The following PIAS2 variants were observed in gnomAD, a reference collection of about 807,000 sequenced individuals.
The protein encoded by PIAS2 is E3 SUMO-protein ligase PIAS2.
PIAS2 carries 19 observed loss-of-function variants against 69.7 expected under a neutral mutation model. That is an observed-to-expected ratio of 0.27 (90% CI 0.19 to 0.40). PIAS2 has a LOEUF of 0.40. Ranked by LOEUF, PIAS2 falls within the 10% of genes least tolerant of loss-of-function variation. PIAS2 has a pLI of 1.00. For synonymous variants in PIAS2, 261 were observed against 263.2 expected, an observed-to-expected ratio of 0.99 and a Z score of 0.08; for missense variants, 624 against 757.0, an observed-to-expected ratio of 0.82 and a Z score of 2.06.
At chr18:46,817,703 G>A (rs906113963) in intron 12 of PIAS2, 4 of 945,414 alleles carry the variant, frequency 4.2e-6, no homozygotes, top group African/African-American at 1.8e-5. Flanking sequence ...CAAGGGTGCT[G>A]TCTATATAAA....
In PIAS2 at chr18:46,810,085, AT is replaced by A. The variant is rs1417031696; in HGVS notation, c.*2347del. The stretch of plus-strand genomic sequence containing the variant: ...TTCAAGATGATAAACTTCAAAGTGT[AT>A]TTTTTAAAATGCAAGTTGCCTGTAT... On this transcript the variant is annotated 3_prime_UTR_variant, in exon 14 of 14. Transcript: ENST00000585916. The A allele has an allele frequency of 3.9e-5, 6 of 152,132 alleles. No individual in the cohort carries two copies. Among genetic ancestry groups the A allele is most frequent in the Non-Finnish European group, 8.8e-5 (6 of 68,022 alleles). The allele number at this position is 152,132 out of a possible 1,614,324, so 9.4% of individuals were successfully genotyped here. A position where few individuals can be genotyped will look rare whatever the true frequency, so the allele number is the denominator to read the frequency against.
At chr18:46,841,916 G>T (rs2045450253) in intron 8 of PIAS2, among the ~76,000 whole-genome samples, 1 of 152,164 alleles carries the variant, frequency 6.6e-6, no homozygotes, top group Non-Finnish European at 1.5e-5. Context: ...TAACCTCTCT[G>T]ATACACTACT....
chr18:46,916,761 CAA>C (rs2057969613), intron 1 of PIAS2: 1 of 949,164 alleles, frequency 1.1e-6, no homozygotes, highest in Non-Finnish European at 1.3e-6. Context: ...CAGGGATCCC[CAA>C]ACATTAGGTT....
At chr18:46,817,491 T>C (rs2144750021) in intron 12 of PIAS2, 1 of 943,484 alleles carries the variant, frequency 1.1e-6, no homozygotes, top group Non-Finnish European at 1.3e-6. Context: ...GTTCTTCAGA[T>C]GTACTGTAAT....
intron 2 of PIAS2, 113 bp from the exon 3 acceptor site, chr18:46,864,361 T>C: frequency 1.5e-6 from 1 of 647,730 alleles, no homozygotes; most frequent in Non-Finnish European, 2.7e-6. Flanking sequence ...TGAAACGTTA[T>C]GGTTAAAATA....
intron 1 of PIAS2, among the ~76,000 whole-genome samples, chr18:46,908,630 T>G (rs1462472481): frequency 6.6e-6 from 1 of 152,166 alleles, no homozygotes; most frequent in Non-Finnish European, 1.5e-5. Context: ...GTTGAAAAAT[T>G]TCTTCAACAA....
upstream of PIAS2, chr18:46,917,542 A>C (rs953492533): frequency 2.1e-5 from 24 of 1,136,996 alleles, no homozygotes; most frequent in African/African-American, 3.6e-4. Context: ...GACGCGCCGA[A>C]GCCCCGCCCC....
chr18:46,887,259 GAAAA>G (rs5824641), intron 2 of PIAS2, among the ~76,000 whole-genome samples: 1 of 124,176 alleles, frequency 8.1e-6, no homozygotes. Context: ...GCAAAAAATT[GAAAA>G]AAAAAAAAAA....
chr18:46,834,221 T>C (rs2044101662), intron 9 of PIAS2, among the ~76,000 whole-genome samples: 1 of 152,098 alleles, frequency 6.6e-6, no homozygotes, highest in Non-Finnish European at 1.5e-5. Context: ...ATAAAATCTC[T>C]ACAACTTTCT....
At position 46,807,768 on chromosome 18, in the gene PIAS2, C is replaced by T. The variant is rs1464545941; in HGVS notation, c.*4665G>A. On this transcript the variant is annotated 3_prime_UTR_variant, in exon 14 of 14. Coordinates refer to ENST00000585916, the MANE Select transcript of PIAS2 (RefSeq NM_004671.5). ...CAATGATCTCCATATCAGTTAACCC[C>T]GTTCCATAGAGTCAGAAAGGCAGAG... 6.6e-6 allele frequency: 1 copy of T among 152,292 alleles called. No individual in the cohort carries two copies. Among genetic ancestry groups the T allele is most frequent in the Admixed American group, 6.5e-5 (1 of 15,304 alleles). 9.4% of individuals were successfully genotyped at this position (152,292 alleles called of 1,614,324 possible).
chr18:46,840,130 C>T (rs1453674776), intron 8 of PIAS2, among the ~76,000 whole-genome samples: 1 of 151,852 alleles, frequency 6.6e-6, no homozygotes, highest in Non-Finnish European at 1.5e-5. Context: ...CACTGCACTT[C>T]AGCCTGGATG....
At chr18:46,875,371 C>G (rs2145777617) in intron 2 of PIAS2, among the ~76,000 whole-genome samples, 1 of 152,252 alleles carries the variant, frequency 6.6e-6, no homozygotes, top group East Asian at 1.9e-4. Flanking sequence ...CTTACGTGGT[C>G]CCACCCCATC....
intron 12 of PIAS2, chr18:46,816,796 T>A (rs2041603155): frequency 1.0e-6 from 1 of 985,056 alleles, no homozygotes; most frequent in Non-Finnish European, 1.2e-6. Context: ...CATATGTCTG[T>A]CACTAGCTAT....
At chr18:46,889,345 A>C (rs1484815416) in intron 2 of PIAS2, among the ~76,000 whole-genome samples, 1 of 152,232 alleles carries the variant, frequency 6.6e-6, no homozygotes, top group Non-Finnish European at 1.5e-5. Context: ...ATATCTGATA[A>C]GGGATTATAT....
intron 2 of PIAS2, among the ~76,000 whole-genome samples, chr18:46,883,434 G>A (rs1239374429): frequency 2.6e-5 from 4 of 152,118 alleles, no homozygotes; most frequent in Non-Finnish European, 5.9e-5. Context: ...CAAGCGCAGT[G>A]GCTCATGCCT....
chr18:46,855,633 A>C lies in PIAS2; in HGVS notation c.585-18T>G. The stretch of plus-strand genomic sequence containing the variant: ...AAAAATCCCTGTTGGAAAGAGAAAG[A>C]AAATGGGTTAAAAAAGTACAATGAG... On this transcript the variant is annotated intron_variant, in intron 3 of 13. Transcript: ENST00000585916. 2 of 1,592,848 alleles carry C rather than the reference A, an allele frequency of 1.3e-6. No individual in the cohort carries two copies. Among genetic ancestry groups the C allele is most frequent in the Non-Finnish European group, 1.7e-6 (2 of 1,160,802 alleles).
chr18:46,917,716 C>T (rs886369365), upstream of PIAS2: 9 of 297,228 alleles, frequency 3.0e-5, 1 homozygote, highest in Middle Eastern at 3.4e-3. Context: ...CTGCGGACTG[C>T]CTAGAGCTGG....
chr18:46,861,762 AC>A, intron 3 of PIAS2, among the ~76,000 whole-genome samples: 1 of 152,146 alleles, frequency 6.6e-6, no homozygotes, highest in Non-Finnish European at 1.5e-5. Flanking sequence ...AAACAAACAA[AC>A]AAAAACTAAG....
Position 46,821,071 on chromosome 18 carries a change from C to T in PIAS2, c.1510G>A (p.Val504Ile). The change falls in exon 12 of 14, where the codon GTT becomes ATT. Residue 504 changes from valine (V) to isoleucine (I), a missense_variant and splice_region_variant. Coordinates refer to ENST00000585916, the MANE Select transcript of PIAS2 (RefSeq NM_004671.5). Reference protein sequence around the residue: ...SETQSSPTKGVLMYQPSSVRV... With the variant: ...SETQSSPTKGILMYQPSSVRV... ...ACAGAAGATGGCTGATACATGAGAACCCTGTTTTAAATAGCACGGGAAATT... is the reference window on the plus strand; with the variant it reads ...ACAGAAGATGGCTGATACATGAGAATCCTGTTTTAAATAGCACGGGAAATT... The T allele has an allele frequency of 6.2e-7, 1 of 1,613,072 alleles. No homozygotes were observed. The highest frequency in any genetic ancestry group is 8.5e-7 in the Non-Finnish European group (1 of 1,179,448).
Sources: gnomAD v4.1 joint callset for allele counts (sites outside exome capture counted in the v4.1 genomes callset) on GRCh38, gnomAD v4.1.1 for gene constraint, MANE v1.5 for transcripts, NCBI Gene and HGNC (gene_info 2026-07-23, HGNC 2026-07-21) for gene names.